Variants in ZMYM1 observed in about 807,000 individuals in gnomAD.
ZMYM1 encodes the protein zinc finger MYM-type containing 1.
In ZMYM1, 39 loss-of-function variants were observed where a neutral mutation model predicts 60.0. The ratio of observed to expected loss-of-function variants is 0.65; its 90% CI spans 0.50 to 0.85. The LOEUF (loss-of-function observed/expected upper bound fraction) is 0.85. Among genes scored for constraint, ZMYM1 ranks in the 40% least tolerant of loss-of-function variants. ZMYM1 has a pLI of 0.00. For synonymous variants in ZMYM1, 413 were observed against 454.0 expected (o/e 0.91, Z 1.15); for missense variants, 1,171 against 1,309.5 (o/e 0.89, Z 1.63).
chr1:35,088,957 G>A (rs750726883), intron 1 of ZMYM1, among the ~76,000 whole-genome samples: 7 of 151,558 alleles, frequency 4.6e-5, no homozygotes, highest in Middle Eastern at 6.8e-3. Context: ...GATTACAGGC[G>A]CCCACCACCA....
intron 1 of ZMYM1, among the ~76,000 whole-genome samples, chr1:35,064,262 C>A (rs1641926953): frequency 7.3e-6 from 1 of 136,186 alleles, no homozygotes; most frequent in Non-Finnish European, 1.5e-5. Flanking sequence ...AGTTTAAGGC[C>A]AGCCTGGGAA....
At chr1:35,089,957 T>TCTAC (rs1389238797) in intron 1 of ZMYM1, among the ~76,000 whole-genome samples, 6 of 145,242 alleles carry the variant, frequency 4.1e-5, no homozygotes, top group African/African-American at 1.5e-4. Context: ...CAGGCTGGAG[T>TCTAC]GTAGTGGCGC....
At chr1:35,087,674 C>A (rs749071911) in intron 1 of ZMYM1, among the ~76,000 whole-genome samples, 1 of 151,908 alleles carries the variant, frequency 6.6e-6, no homozygotes, top group Non-Finnish European at 1.5e-5. Flanking sequence ...GTGATCAGCC[C>A]GCGTTGGCCT....
intron 1 of ZMYM1, among the ~76,000 whole-genome samples, chr1:35,072,213 GCAGACTTTTTATTA>G (rs1307120202): frequency 6.6e-6 from 1 of 152,126 alleles, no homozygotes; most frequent in Non-Finnish European, 1.5e-5. Flanking sequence ...TTTTTTGATG[GCAGACTTTTTATTA>G]CAGTTTCAAT....
Position 35,106,369 on chromosome 1 carries a change from GAGGCCGAGGC to G in ZMYM1, c.807+1601_807+1610del. 2.6e-5 allele frequency among the ~76,000 whole-genome samples: 4 copies of G among 152,236 alleles called. No individual in the cohort carries two copies. The South Asian group carries it at 8.3e-4, about 32-fold the overall frequency. ...GATGCCTATAATCCCAGCACTTTGG[GAGGCCGAGGC>G]TGGCCGATCACCTGAGGTCAGGAGT... On this transcript the variant is annotated intron_variant, in intron 6 of 9. Coordinates refer to ENST00000359858, the MANE Select transcript of ZMYM1 (RefSeq NM_024772.5).
chr1:35,067,843 C>A (rs1641998437), intron 1 of ZMYM1, among the ~76,000 whole-genome samples: 1 of 151,660 alleles, frequency 6.6e-6, no homozygotes, highest in East Asian at 2.0e-4. Context: ...CCATTGCACT[C>A]CAGTCTAGGC....
chr1:35,114,601 C>T lies in ZMYM1; in HGVS notation c.2771C>T (p.Thr924Ile), dbSNP rs1278350545. 3 of 1,609,344 alleles carry T rather than the reference C, an allele frequency of 1.9e-6. No individual in the cohort carries two copies. In the African/African-American group the frequency reaches 4.0e-5, roughly 22 times the overall value. The part of the protein sequence containing the change: ...DGTEEICQKI[T>I]CKGFKVEKPS... ...ACAGAGGAAATATGTCAAAAAATAA[C>T]CTGTAAAGGTTTTAAAGTTGAAAAA... Residue 924 changes from threonine (T) to isoleucine (I), a missense_variant, in exon 10 of 10, where the codon ACC becomes ATC. Coordinates refer to ENST00000359858, the MANE Select transcript of ZMYM1 (RefSeq NM_024772.5).
chr1:35,088,021 C>T (rs1441208839), intron 1 of ZMYM1, among the ~76,000 whole-genome samples: 1 of 152,002 alleles, frequency 6.6e-6, no homozygotes, highest in Non-Finnish European at 1.5e-5. Context: ...GATTATGTCA[C>T]TGCACTCCAG....
At chr1:35,095,145 A>C (rs1482584458) in intron 2 of ZMYM1, among the ~76,000 whole-genome samples, 1 of 151,978 alleles carries the variant, frequency 6.6e-6, no homozygotes, top group Non-Finnish European at 1.5e-5. Flanking sequence ...CCTTTGTAAG[A>C]ATCATTCTGC....
upstream of ZMYM1, among the ~76,000 whole-genome samples, chr1:35,078,827 GTGTGACCCACCACACCCAGCC>G (rs1642226149): frequency 6.6e-6 from 1 of 152,022 alleles, no homozygotes; most frequent in Non-Finnish European, 1.5e-5. Flanking sequence ...GGAATTATAG[GTGTGACCCACCACACCCAGCC>G]TGGGGTCATT....
chr1:35,103,728 A>C (rs1443998089), intron 4 of ZMYM1, among the ~76,000 whole-genome samples: 2 of 152,210 alleles, frequency 1.3e-5, no homozygotes, highest in Non-Finnish European at 2.9e-5. Flanking sequence ...TTGCAAAGTG[A>C]TGTTGCAAAC....
intron 1 of ZMYM1, among the ~76,000 whole-genome samples, chr1:35,073,903 C>G (rs758658907): frequency 6.6e-6 from 1 of 152,120 alleles, no homozygotes; most frequent in African/African-American, 2.4e-5. Context: ...TCAAGCGATT[C>G]TTCTGCCTCA....
chr1:35,074,457 G>A (rs1272934909), upstream of ZMYM1, among the ~76,000 whole-genome samples: 2 of 151,928 alleles, frequency 1.3e-5, no homozygotes, highest in Non-Finnish European at 2.9e-5. Flanking sequence ...TCACCAGGCT[G>A]GAGTGCAGTG....
intron 6 of ZMYM1, among the ~76,000 whole-genome samples, chr1:35,105,000 G>A (rs74893112): frequency 0.031 from 4,712 of 152,136 alleles, 253 homozygotes; most frequent in African/African-American, 0.1. Flanking sequence ...AGAAAAGGCA[G>A]GCAGGCTGGA....
chr1:35,078,485 A>G (rs1642212608), upstream of ZMYM1, among the ~76,000 whole-genome samples: 1 of 151,582 alleles, frequency 6.6e-6, no homozygotes, highest in South Asian at 2.1e-4. Flanking sequence ...GTATTGTCAA[A>G]AAACATTTAA....
intron 4 of ZMYM1, 86 bp from the exon 5 acceptor site, chr1:35,104,209 T>G: frequency 1.6e-6 from 2 of 1,217,894 alleles, no homozygotes; most frequent in South Asian, 3.5e-5. Context: ...ATGTTCTTAC[T>G]CTAATTTGAG....
rs201057096 is a variant in ZMYM1 at position 35,093,997 on chromosome 1, C to T, written c.10C>T (p.Pro4Ser). The stretch of plus-strand genomic sequence containing the variant: ...TGCATCAGATACTAAAATGAAAGAA[C>T]CACTTTTAGGTGGTGAGTGTGACAA... MKE[P>S]LLGGECDKAV... The change falls in exon 2 of 10, where the codon CCA (proline) becomes TCA (serine). Residue 4 changes from proline to serine, a missense_variant. Transcript: ENST00000359858. The T allele has an allele frequency of 4.4e-6, 7 of 1,594,778 alleles. No homozygotes were observed. The African/African-American group carries it at 9.5e-5, about 22-fold the overall frequency.
Position 35,104,432 on chromosome 1 carries a change from T to G in ZMYM1, c.557T>G (p.Ile186Ser). ...KPFVTICTNS[I>S]LTKCSMCQKT... ...TTTGTTACCATATGTACTAATAGCA[T>G]TTTGACCAAGTGCAGCATGTGCCAG... Residue 186 changes from isoleucine to serine, a missense_variant, in exon 5 of 10, where the codon ATT (isoleucine) becomes AGT (serine). Transcript: ENST00000359858. The G allele has an allele frequency of 6.2e-7, 1 of 1,611,568 alleles. No individual in the cohort carries two copies. Among genetic ancestry groups the G allele is most frequent in the Non-Finnish European group, 8.5e-7 (1 of 1,178,634 alleles).
At chr1:35,096,261 A>G (rs1643311865) in intron 3 of ZMYM1, among the ~76,000 whole-genome samples, 1 of 151,284 alleles carries the variant, frequency 6.6e-6, no homozygotes, top group African/African-American at 2.4e-5. Context: ...GTGGTGAGCC[A>G]AGATTGCACC....
Sources: gnomAD v4.1 joint callset for allele counts (sites outside exome capture counted in the v4.1 genomes callset) on GRCh38, gnomAD v4.1.1 for gene constraint, MANE v1.5 for transcripts, NCBI Gene and HGNC (gene_info 2026-07-23, HGNC 2026-07-21) for gene names.